Variants in DPY19L2 observed in about 807,000 individuals in gnomAD.
The protein encoded by DPY19L2 is probable C-mannosyltransferase DPY19L2.
In DPY19L2, 34 loss-of-function variants were observed where a neutral mutation model predicts 97.9. The ratio of observed to expected loss-of-function variants is 0.35; its 90% CI spans 0.26 to 0.46. The LOEUF (loss-of-function observed/expected upper bound fraction) is 0.46, where lower values mean the gene tolerates loss of function less well. Among genes scored for constraint, DPY19L2 ranks in the 20% least tolerant of loss-of-function variants. The pLI is 1.00. For missense variants in DPY19L2, 623 were observed against 911.4 expected, an observed-to-expected ratio of 0.68 and a Z score of 4.07; for synonymous variants, 230 against 307.9, an observed-to-expected ratio of 0.75 and a Z score of 2.65.
chr12:63,628,088 G>A (rs1201458578), intron 6 of DPY19L2, among the ~76,000 whole-genome samples: 1 of 152,134 alleles, frequency 6.6e-6, no homozygotes, highest in African/African-American at 2.4e-5. Flanking sequence ...GTGAGGGGTG[G>A]AGCCAAGATG....
upstream of DPY19L2, chr12:63,668,605 G>C: frequency 1.7e-6 from 1 of 572,914 alleles, no homozygotes; most frequent in Non-Finnish European, 3.1e-6. Flanking sequence ...GTCCCCTCAC[G>C]TGCTCCCCAG....
chr12:63,629,406 C>G (rs1333632316), intron 6 of DPY19L2, among the ~76,000 whole-genome samples: 1 of 152,136 alleles, frequency 6.6e-6, no homozygotes, highest in African/African-American at 2.4e-5. Context: ...GGCACGAGAA[C>G]TACATGACGA....
intron 6 of DPY19L2, among the ~76,000 whole-genome samples, chr12:63,635,032 A>AG (rs1226168662): frequency 2.0e-5 from 3 of 152,180 alleles, no homozygotes; most frequent in African/African-American, 7.2e-5. Context: ...GGCACCCCCC[A>AG]GTAGGGGCAG....
chr12:63,597,053 A>G (rs11503703), intron 14 of DPY19L2, among the ~76,000 whole-genome samples: 7,503 of 151,812 alleles, frequency 0.049, 549 homozygotes, highest in African/African-American at 0.17. Context: ...GCTCATTGCA[A>G]TCTCCACCTC....
intron 2 of DPY19L2, among the ~76,000 whole-genome samples, chr12:63,665,272 C>T (rs1430418125): frequency 2.0e-5 from 3 of 152,034 alleles, no homozygotes; most frequent in Admixed American, 2.0e-4. Context: ...AGGAGCTTGA[C>T]ACCAGTCTGG....
At chr12:63,647,135 T>A in intron 5 of DPY19L2, 110 bp downstream of exon 5, 1 of 992,766 alleles carries the variant, frequency 1.0e-6, no homozygotes. Flanking sequence ...TCAGTTCTAA[T>A]GTTTTTTAAA....
At chr12:63,664,594 G>C (rs572606116) in intron 2 of DPY19L2, among the ~76,000 whole-genome samples, 71 of 146,718 alleles carry the variant, frequency 4.8e-4, no homozygotes, top group Admixed American at 1.8e-3. Flanking sequence ...TCACATAAAG[G>C]ATAAACTTTC....
At chr12:63,624,501 A>G (rs1161187951) in intron 7 of DPY19L2, among the ~76,000 whole-genome samples, 1 of 152,264 alleles carries the variant, frequency 6.6e-6, no homozygotes, top group East Asian at 1.9e-4. Context: ...GGATATATGC[A>G]TGCCAAGACA....
At chr12:63,565,242 A>G (rs112664624) in intron 21 of DPY19L2, among the ~76,000 whole-genome samples, 1 of 152,198 alleles carries the variant, frequency 6.6e-6, no homozygotes, top group African/African-American at 2.4e-5. Flanking sequence ...ACAAATTACC[A>G]CAAACAGTTG....
At chr12:63,588,551 A>G (rs1450040952) in intron 16 of DPY19L2, among the ~76,000 whole-genome samples, 1 of 152,104 alleles carries the variant, frequency 6.6e-6, no homozygotes, top group Non-Finnish European at 1.5e-5. Flanking sequence ...AATTTTAAAA[A>G]CAAGTGTAGT....
In DPY19L2 at chr12:63,624,172, C is replaced by T. The variant is rs371875973; in HGVS notation, c.862-41G>A. On this transcript the variant is annotated intron_variant, in intron 7 of 21. Coordinates refer to ENST00000324472, the MANE Select transcript of DPY19L2 (RefSeq NM_173812.5). ...TGCCCACTTTACATCCTATTTACTA[C>T]AACAAACATATTAAAAAACCAGGGG... 2.8e-6 allele frequency: 4 copies of T among 1,450,970 alleles called. No homozygotes were observed. In the African/African-American group the frequency reaches 4.2e-5, roughly 15 times the overall value. The allele number at this position is 1,450,970 out of a possible 1,614,324, so 89.9% of individuals were successfully genotyped here.
intron 6 of DPY19L2, among the ~76,000 whole-genome samples, chr12:63,638,944 C>A (rs144531152): frequency 0.013 from 2,034 of 152,226 alleles, 22 homozygotes; most frequent in Non-Finnish European, 0.021. Context: ...CGCTACCTGA[C>A]TTCAAACTAT....
At chr12:63,589,633 T>C (rs1346258415) in intron 16 of DPY19L2, among the ~76,000 whole-genome samples, 1 of 151,720 alleles carries the variant, frequency 6.6e-6, no homozygotes, top group Non-Finnish European at 1.5e-5. Flanking sequence ...TGAAAGAAAA[T>C]ATGAAAAAAA....
At chr12:63,577,838 T>C (rs1251227978) in intron 19 of DPY19L2, among the ~76,000 whole-genome samples, 1 of 152,110 alleles carries the variant, frequency 6.6e-6, no homozygotes, top group African/African-American at 2.4e-5. Context: ...TCATACACTT[T>C]TGGTGAAAAT....
chr12:63,573,300 C>G (rs569255713), intron 19 of DPY19L2, among the ~76,000 whole-genome samples: 1 of 151,674 alleles, frequency 6.6e-6, no homozygotes, highest in Admixed American at 6.6e-5. Flanking sequence ...AAAAATGCAA[C>G]TGACATACTG....
intron 18 of DPY19L2, among the ~76,000 whole-genome samples, chr12:63,582,144 G>A (rs1055366626): frequency 2.6e-5 from 4 of 151,906 alleles, no homozygotes; most frequent in Non-Finnish European, 5.9e-5. Context: ...TTCATGGACA[G>A]GATATTAACA....
At chr12:63,591,757 C>T (rs149280003) in intron 16 of DPY19L2, among the ~76,000 whole-genome samples, 2,631 of 151,324 alleles carry the variant, frequency 0.017, 41 homozygotes, top group Non-Finnish European at 0.026. Context: ...GCCTGACCAA[C>T]ACGGTGAAAC....
At chr12:63,588,241 A>G (rs1180203570) in intron 16 of DPY19L2, among the ~76,000 whole-genome samples, 1 of 152,206 alleles carries the variant, frequency 6.6e-6, no homozygotes, top group Non-Finnish European at 1.5e-5. Context: ...GTTATGGACT[A>G]ATGCAGCTGG....
intron 4 of DPY19L2, among the ~76,000 whole-genome samples, chr12:63,652,105 GA>G (rs1474537488): frequency 2.7e-5 from 4 of 150,134 alleles, no homozygotes; most frequent in Non-Finnish European, 5.9e-5. Context: ...TTTAAAACAT[GA>G]AAAAAAAAGT....
Sources: gnomAD v4.1 joint callset for allele counts (sites outside exome capture counted in the v4.1 genomes callset) on GRCh38, gnomAD v4.1.1 for gene constraint, MANE v1.5 for transcripts, NCBI Gene and HGNC (gene_info 2026-07-23, HGNC 2026-07-21) for gene names.